Variants in GEMIN2 observed in about 807,000 individuals in gnomAD.
GEMIN2 encodes the protein gem nuclear organelle associated protein 2.
GEMIN2 carries 37 observed loss-of-function variants against 45.8 expected under a neutral mutation model. The ratio of observed to expected loss-of-function variants is 0.81; its 90% CI spans 0.62 to 1.06. GEMIN2 has a LOEUF of 1.06. Among genes scored for constraint, GEMIN2 ranks in the 50% least tolerant of loss-of-function variants. The pLI is 0.00. For synonymous variants in GEMIN2, 101 were observed against 111.5 expected (o/e 0.91, Z 0.60); for missense variants, 335 against 321.8 (o/e 1.04, Z -0.31).
At chr14:39,120,300 AGGCTGAGGTG>A (rs1173525481) in intron 4 of GEMIN2, among the ~76,000 whole-genome samples, 1 of 152,178 alleles carries the variant, frequency 6.6e-6, no homozygotes, top group Non-Finnish European at 1.5e-5. Flanking sequence ...GCACTTTGGG[AGGCTGAGGTG>A]GGCAGATCAC....
intron 8 of GEMIN2, among the ~76,000 whole-genome samples, chr14:39,132,288 T>C (rs1594520724): frequency 6.6e-6 from 1 of 152,182 alleles, no homozygotes; most frequent in East Asian, 1.9e-4. Context: ...CCCAGCACTT[T>C]GGGAGGCTGA....
At chr14:39,133,808 G>T (rs1393641404) in intron 9 of GEMIN2, 89 bp downstream of exon 9, 7 of 721,066 alleles carry the variant, frequency 9.7e-6, no homozygotes, top group South Asian at 3.8e-5. Flanking sequence ...TGTTTGGTTG[G>T]TTTTTTTTTG....
intron 2 of GEMIN2, 24 bp from the exon 3 acceptor site, chr14:39,117,975 A>G (rs1244301806): frequency 7.6e-6 from 10 of 1,324,072 alleles, no homozygotes; most frequent in African/African-American, 2.9e-5. Context: ...TGTTGATCCT[A>G]ATATTTGTGA....
In GEMIN2 at chr14:39,114,915, T is replaced by G. The variant is rs1451101541; in HGVS notation, c.222+2T>G. Reference sequence around the variant, plus strand: ...AGGAAGCAAAGTGTGAATATTTCTGTGAGTTTTATTAACCGTCTGGAGATT... The same window carrying G: ...AGGAAGCAAAGTGTGAATATTTCTGGGAGTTTTATTAACCGTCTGGAGATT... On this transcript the variant is annotated splice_donor_variant, in intron 2 of 9. Transcript: ENST00000308317. LOFTEE classifies it high-confidence loss of function. The G allele has an allele frequency of 2.1e-6, 3 of 1,408,422 alleles. No homozygotes were observed. The highest frequency in any genetic ancestry group is 2.3e-5 in the East Asian group (1 of 43,986). 87.2% of individuals were successfully genotyped at this position (1,408,422 alleles called of 1,614,324 possible).
chr14:39,123,482 C>A, intron 5 of GEMIN2, among the ~76,000 whole-genome samples: 1 of 151,458 alleles, frequency 6.6e-6, no homozygotes, highest in Non-Finnish European at 1.5e-5. Flanking sequence ...CATAACTATG[C>A]CAAGGTGCTA....
At position 39,114,455 on chromosome 14, in the gene GEMIN2, GGAATACCTGAGGCGGGTCCA is replaced by G; in HGVS notation, c.119_137+1del. The G allele has an allele frequency of 1.2e-6, 2 of 1,613,766 alleles. No individual in the cohort carries two copies. The highest frequency in any genetic ancestry group is 1.7e-6 in the Non-Finnish European group (2 of 1,179,722). On this transcript the variant is annotated frameshift_variant and splice_region_variant, in exon 1 of 10. Coordinates refer to ENST00000308317, the MANE Select transcript of GEMIN2 (RefSeq NM_003616.3). LOFTEE classifies it high-confidence loss of function. ...CCTCGGTACCCCCGAGGACGCCTCA[GGAATACCTGAGGCGGGTCCA>G]GTGAGTGATTCGGCCCTGGGCGGGT... is the stretch of plus-strand genomic sequence containing the variant.
chr14:39,115,131 T>C (rs1566528322), intron 2 of GEMIN2, among the ~76,000 whole-genome samples: 1 of 152,244 alleles, frequency 6.6e-6, no homozygotes, highest in Non-Finnish European at 1.5e-5. Flanking sequence ...GTGTTGCCCA[T>C]CTTACTTCAG....
intron 2 of GEMIN2, among the ~76,000 whole-genome samples, chr14:39,116,614 A>G (rs1197138442): frequency 6.0e-4 from 5 of 8,330 alleles, no homozygotes; most frequent in Non-Finnish European, 1.8e-3. Context: ...TTTCATGCTC[A>G]AAGTAGTTTC....
chr14:39,129,209 A>AT (rs1355907354), intron 7 of GEMIN2, among the ~76,000 whole-genome samples: 1 of 152,162 alleles, frequency 6.6e-6, no homozygotes, highest in African/African-American at 2.4e-5. Context: ...GTAATGTGCT[A>AT]TATAGGTTTG....
At chr14:39,129,547 G>A (rs529056185) in intron 7 of GEMIN2, among the ~76,000 whole-genome samples, 1 of 152,116 alleles carries the variant, frequency 6.6e-6, no homozygotes, top group Admixed American at 6.6e-5. Context: ...CCAAGTAGCT[G>A]GGATTACAGG....
intron 2 of GEMIN2, among the ~76,000 whole-genome samples, chr14:39,116,385 G>C (rs1486494944): frequency 6.6e-6 from 1 of 151,224 alleles, no homozygotes; most frequent in Non-Finnish European, 1.5e-5. Context: ...TCAAAGGAGG[G>C]TGGCATTTTA....
chr14:39,132,220 G>A, intron 8 of GEMIN2, 152 bp downstream of exon 8: 1 of 597,730 alleles, frequency 1.7e-6, no homozygotes, highest in Non-Finnish European at 3.0e-6. Context: ...TAAATAATAT[G>A]GAAATGTTTT....
intron 1 of GEMIN2, 133 bp downstream of exon 1, chr14:39,114,608 G>A: frequency 1.4e-6 from 1 of 707,328 alleles, no homozygotes; most frequent in Non-Finnish European, 2.4e-6. Flanking sequence ...ATCCTAACGT[G>A]GGCGAGTTTC....
chr14:39,121,113 G>A (rs758495557), intron 4 of GEMIN2, among the ~76,000 whole-genome samples: 2 of 152,044 alleles, frequency 1.3e-5, no homozygotes, highest in Non-Finnish European at 1.5e-5. Flanking sequence ...CTTTACATGG[G>A]ATAAATATCC....
intron 8 of GEMIN2, among the ~76,000 whole-genome samples, chr14:39,132,392 G>A (rs1390137103): frequency 6.6e-6 from 1 of 151,968 alleles, no homozygotes; most frequent in Non-Finnish European, 1.5e-5. Context: ...TTAGCTGGGT[G>A]TGGTGGTGGG....
chr14:39,114,410 C>T lies in GEMIN2; in HGVS notation c.72C>T (p.Asp24=), dbSNP rs759171366. 1 of 1,614,044 alleles carries T rather than the reference C, an allele frequency of 6.2e-7. No individual in the cohort carries two copies. Among genetic ancestry groups the T allele is most frequent in the East Asian group, 2.2e-5 (1 of 44,876 alleles). Residue 24 remains aspartate (D), a synonymous_variant, in exon 1 of 10, where the codon GAC becomes GAT. Transcript: ENST00000308317. The stretch of plus-strand genomic sequence containing the variant: ...GGCTATTGCCGGTAGAGCCTTGCGA[C>T]TTGACGGAAGGTTTCGATCCCTCGG... ...MPRLLPVEPC[D]LTEGFDPSVP...
At chr14:39,130,437 G>T (rs868037354) in intron 7 of GEMIN2, among the ~76,000 whole-genome samples, 1 of 152,078 alleles carries the variant, frequency 6.6e-6, no homozygotes, top group Non-Finnish European at 1.5e-5. Flanking sequence ...ATACAATCTG[G>T]TGATCATATC....
intron 7 of GEMIN2, among the ~76,000 whole-genome samples, chr14:39,130,349 G>A (rs975470078): frequency 6.6e-5 from 10 of 151,912 alleles, no homozygotes; most frequent in African/African-American, 1.7e-4. Context: ...AGGTTTCCCC[G>A]AAGTGATATG....
intron 7 of GEMIN2, 176 bp from the exon 8 acceptor site, chr14:39,131,782 A>C (rs2052719350): frequency 7.6e-6 from 4 of 527,716 alleles, no homozygotes; most frequent in African/African-American, 1.9e-5. Flanking sequence ...TATAGGATAC[A>C]AGAGATAACA....
Sources: gnomAD v4.1 joint callset for allele counts (sites outside exome capture counted in the v4.1 genomes callset) on GRCh38, gnomAD v4.1.1 for gene constraint, MANE v1.5 for transcripts, NCBI Gene and HGNC (gene_info 2026-07-23, HGNC 2026-07-21) for gene names.